The following OR2F1 variants were observed in gnomAD, a reference collection of about 807,000 sequenced individuals.
OR2F1 encodes olfactory receptor 2F1.
For synonymous variants in OR2F1, 146 were observed against 155.3 expected (o/e 0.94, Z 0.44); for missense variants, 389 against 378.2 (o/e 1.03, Z -0.24).
rs770220093 is a variant in OR2F1 at position 143,960,368 on chromosome 7, C to G, written c.398C>G (p.Ser133Trp). Reference protein sequence around the residue: ...YVAVCDALRYSAIMHGGLCAR... With the variant: ...YVAVCDALRYWAIMHGGLCAR... ...GCTGTGTGTGATGCCCTGCGATACT[C>G]GGCCATCATGCATGGAGGGCTGTGT... The change falls in exon 3 of 3, where the codon TCG becomes TGG. Residue 133 changes from serine to tryptophan, a missense_variant. Coordinates refer to ENST00000641412, the MANE Select transcript of OR2F1 (RefSeq NM_012369.3). 1 of 1,614,186 alleles carries G rather than the reference C, an allele frequency of 6.2e-7. No individual in the cohort carries two copies. Among genetic ancestry groups the G allele is most frequent in the South Asian group, 1.1e-5 (1 of 91,080 alleles).
rs751073483 is a variant in OR2F1, at chr7:143,960,317, C to T, written c.347C>T (p.Ala116Val). ...ALGGIEFVLLAVMAYDRYVAV... is the reference protein window; with the variant it reads ...ALGGIEFVLLVVMAYDRYVAV... ...GGTGGGATTGAGTTTGTTCTCCTGG[C>T]GGTGATGGCCTATGACCGCTATGTG... Residue 116 changes from alanine (A) to valine (V), a missense_variant, in exon 3 of 3, where the codon GCG (alanine) becomes GTG (valine). Physicochemically the swap from Ala to Val is moderately conservative, Grantham distance 64. Transcript: ENST00000641412. 1.1e-5 allele frequency: 18 copies of T among 1,614,018 alleles called. No homozygotes were observed. The highest frequency in any genetic ancestry group is 2.7e-5 in the African/African-American group (2 of 74,894).
Position 143,960,150 on chromosome 7 carries a change from T to C in OR2F1, c.180T>C (p.Tyr60=), listed in dbSNP as rs199573150. Residue 60 remains tyrosine, a synonymous_variant, in exon 3 of 3, where the codon TAT becomes TAC. Transcript: ENST00000641412. The part of the protein sequence containing the change: ...RLDSRLHTPM[Y]FFLTNLSLVD... ...ACAGCCGACTCCACACTCCCATGTA[T>C]TTCTTTCTCACCAACCTCTCCCTTG... 27 of 1,614,172 alleles carry C rather than the reference T, an allele frequency of 1.7e-5. No homozygotes were observed. The East Asian group carries it at 5.6e-4, about 33-fold the overall frequency.
At chr7:143,958,070 T>C (rs1268843687) in intron 1 of OR2F1, among the ~76,000 whole-genome samples, 1 of 152,144 alleles carries the variant, frequency 6.6e-6, no homozygotes, top group Non-Finnish European at 1.5e-5. Context: ...GAGCAAATGA[T>C]ACGGTGAAGA....
At position 143,960,507 on chromosome 7, in the gene OR2F1, T is replaced by G. The variant is rs2116937885; in HGVS notation, c.537T>G (p.Cys179Trp). Residue 179 changes from cysteine (C) to tryptophan (W), a missense_variant, in exon 3 of 3, where the codon TGT becomes TGG. Physicochemically the swap from Cys to Trp is radical, Grantham distance 215 (BLOSUM62 -2). Transcript: ENST00000641412. Reference sequence around the variant, plus strand: ...ACAAGTTTATTGATCACATATCCTGTGAACTCCTAGCTGTGGTCAGGCTGG... The same window carrying G: ...ACAAGTTTATTGATCACATATCCTGGGAACTCCTAGCTGTGGTCAGGCTGG... ...CRNKFIDHIS[C>W]ELLAVVRLAC... The G allele has an allele frequency of 6.2e-7, 1 of 1,614,228 alleles. No homozygotes were observed. The highest frequency in any genetic ancestry group is 2.2e-5 in the East Asian group (1 of 44,876).
At position 143,960,964 on chromosome 7, in the gene OR2F1, G is replaced by A. The variant is rs1442182287; in HGVS notation, c.*40G>A. On this transcript the variant is annotated 3_prime_UTR_variant, in exon 3 of 3. Transcript: ENST00000641412. ...TTAGAGAAAACAGCTTTGCCTCAGT[G>A]TTCTCCACCCAGCTGAGATCTGACA... 37 of 1,479,082 alleles carry A rather than the reference G, an allele frequency of 2.5e-5. No homozygotes were observed. The highest frequency in any genetic ancestry group is 3.4e-5 in the Non-Finnish European group (37 of 1,080,366). The allele number at this position is 1,479,082 out of a possible 1,614,324, so 91.6% of individuals were successfully genotyped here. A position where few individuals can be genotyped will look rare whatever the true frequency, so the allele number is the denominator to read the frequency against.
chr7:143,956,109 G>A (rs1365873683), intron 1 of OR2F1, among the ~76,000 whole-genome samples: 3 of 152,242 alleles, frequency 2.0e-5, no homozygotes, highest in Non-Finnish European at 2.9e-5. Context: ...GAATGTCACC[G>A]GTGTAGGGAA....
At chr7:143,958,845 C>A (rs538076435) in intron 1 of OR2F1, 108 bp from the exon 2 acceptor site, 2 of 152,130 alleles carry the variant, frequency 1.3e-5, no homozygotes, top group East Asian at 3.9e-4. Flanking sequence ...TTCATATCTC[C>A]TTCTCTGTCT....
chr7:143,959,256 G>T (rs1483564483), intron 2 of OR2F1, 148 bp downstream of exon 2: 1 of 152,104 alleles, frequency 6.6e-6, no homozygotes, highest in African/African-American at 2.4e-5. Flanking sequence ...ACCAGTAACA[G>T]TTCAAAAAGT....
intron 1 of OR2F1, among the ~76,000 whole-genome samples, chr7:143,958,318 CA>C (rs2050299240): frequency 6.6e-6 from 1 of 151,980 alleles, no homozygotes; most frequent in Admixed American, 6.5e-5. Context: ...TTGAGGAAAT[CA>C]AACGTATTCT....
chr7:143,958,451 G>GA lies in OR2F1; in HGVS notation c.-179-496dup, dbSNP rs541791988. On this transcript the variant is annotated intron_variant, in intron 1 of 2. Transcript: ENST00000641412. ...TGAGGAGGACATTAGGGAGAGTTTA[G>GA]AAAAAATGGTTGTGAACTATGAAAG... Among the ~76,000 whole-genome samples, 605 of 152,022 alleles carry GA rather than the reference G, an allele frequency of 4.0e-3. 2 individuals are homozygous for GA. Among genetic ancestry groups the GA allele is most frequent in the Admixed American group, 8.6e-3 (131 of 15,286 alleles).
At chr7:143,955,427 A>C (rs10271750) in intron 1 of OR2F1, among the ~76,000 whole-genome samples, 15,005 of 152,216 alleles carry the variant, frequency 0.099, 1,659 homozygotes, top group African/African-American at 0.27. Flanking sequence ...TAAAAGTTTC[A>C]TTTAGCATTA....
rs2072165 is a variant in OR2F1, at chr7:143,960,380, A to G, written c.410A>G (p.His137Arg). The part of the protein sequence containing the change: ...CDALRYSAIM[H>R]GGLCARLAIT... ...GCCCTGCGATACTCGGCCATCATGCATGGAGGGCTGTGTGCTAGGTTGGCC... is the reference window on the plus strand; with the variant it reads ...GCCCTGCGATACTCGGCCATCATGCGTGGAGGGCTGTGTGCTAGGTTGGCC... Residue 137 changes from histidine (H) to arginine (R), a missense_variant, in exon 3 of 3, where the codon CAT becomes CGT. By Grantham distance (29) the His-to-Arg change is conservative. Transcript: ENST00000641412. 0.12 allele frequency: 192,913 copies of G among 1,613,978 alleles called. 16,316 individuals are homozygous for G. The highest frequency in any genetic ancestry group is 0.4 in the African/African-American group (29,815 of 74,924).
rs1327483870 is a variant in OR2F1 at position 143,960,060 on chromosome 7, G to A, written c.90G>A (p.Leu30=). The A allele has an allele frequency of 6.2e-7, 1 of 1,614,014 alleles. No homozygotes were observed. The highest frequency in any genetic ancestry group is 8.5e-7 in the Non-Finnish European group (1 of 1,180,044). Residue 30 remains leucine, a synonymous_variant, in exon 3 of 3, where the codon CTG becomes CTA. Coordinates refer to ENST00000641412, the MANE Select transcript of OR2F1 (RefSeq NM_012369.3). ...ACACTCGGGTCTCCCTGTTTGTCCT[G>A]TTCTTGGTCATGTATGTGGTGACCG... is the stretch of plus-strand genomic sequence containing the variant. ...DWDTRVSLFV[L]FLVMYVVTVL... is the part of the protein sequence containing the mutation.
Position 143,955,029 on chromosome 7 carries a change from A to G in OR2F1, c.-254A>G, listed in dbSNP as rs2116932649. The G allele has an allele frequency of 6.6e-6, 1 of 152,234 alleles. No homozygotes were observed. The highest frequency in any genetic ancestry group is 2.1e-4 in the South Asian group (1 of 4,822). The allele number at this position is 152,234 out of a possible 1,614,324, so 9.4% of individuals were successfully genotyped here. ...TTGATAGAAGAATATTTCAGTCCTG[A>G]TATTTGCTGTAACTAATAATTACTG... is the stretch of plus-strand genomic sequence containing the variant. On this transcript the variant is annotated 5_prime_UTR_variant, in exon 1 of 3. Coordinates refer to ENST00000641412, the MANE Select transcript of OR2F1 (RefSeq NM_012369.3).
rs7784329 is a variant in OR2F1 at position 143,955,082 on chromosome 7, A to C, written c.-201A>C. The C allele has an allele frequency of 0.21, 31,199 of 152,016 alleles. 4,838 individuals carry two copies. Among genetic ancestry groups the C allele is most frequent in the African/African-American group, 0.42 (17,481 of 41,420 alleles). 9.4% of individuals were successfully genotyped at this position (152,016 alleles called of 1,614,324 possible). A position where few individuals can be genotyped will look rare whatever the true frequency, so the allele number is the denominator to read the frequency against. ...TAAACAGAGAAGACACATGGAGGATATTTTACCTGGGTCCAACAAAAGTAA... is the reference window on the plus strand; with the variant it reads ...TAAACAGAGAAGACACATGGAGGATCTTTTACCTGGGTCCAACAAAAGTAA... On this transcript the variant is annotated 5_prime_UTR_variant, in exon 1 of 3. Coordinates refer to ENST00000641412, the MANE Select transcript of OR2F1 (RefSeq NM_012369.3).
At position 143,960,251 on chromosome 7, in the gene OR2F1, T is replaced by C. The variant is rs749278306; in HGVS notation, c.281T>C (p.Phe94Ser). 4 of 1,614,074 alleles carry C rather than the reference T, an allele frequency of 2.5e-6. No individual in the cohort carries two copies. In the African/African-American group the frequency reaches 5.3e-5, roughly 22 times the overall value. The change falls in exon 3 of 3, where the codon TTC becomes TCC. Residue 94 changes from phenylalanine to serine, a missense_variant. Transcript: ENST00000641412. ...CTTGCAGAACATAAAGCCATCCCAT[T>C]CCAGAGCTGTGCAGCCCAGTTATTT... is the stretch of plus-strand genomic sequence containing the variant. ...HFLAEHKAIP[F>S]QSCAAQLFFS...
rs1177060033 is a variant in OR2F1, at chr7:143,960,864, G to A, written c.894G>A (p.Lys298=). 1 of 1,613,854 alleles carries A rather than the reference G, an allele frequency of 6.2e-7. No individual in the cohort carries two copies. The highest frequency in any genetic ancestry group is 1.3e-5 in the African/African-American group (1 of 74,892). The part of the protein sequence containing the change: ...MIYSLRNKEV[K]GAWQKLLWKF... Reference sequence around the variant, plus strand: ...ACAGCCTAAGGAATAAAGAGGTGAAGGGGGCCTGGCAGAAACTATTATGGA... The same window carrying A: ...ACAGCCTAAGGAATAAAGAGGTGAAAGGGGCCTGGCAGAAACTATTATGGA... Residue 298 remains lysine (K), a synonymous_variant, in exon 3 of 3, where the codon AAG becomes AAA. Transcript: ENST00000641412.
chr7:143,958,337 A>AT (rs76500152), intron 1 of OR2F1, among the ~76,000 whole-genome samples: 4,873 of 152,278 alleles, frequency 0.032, 106 homozygotes, highest in South Asian at 0.047. Context: ...TCTCAGCCTC[A>AT]TTATGATTTT....
intron 1 of OR2F1, among the ~76,000 whole-genome samples, chr7:143,956,661 C>G (rs993080164): frequency 1.3e-5 from 2 of 152,076 alleles, no homozygotes; most frequent in Admixed American, 1.3e-4. Context: ...TCTTTACACA[C>G]TTAGACATTA....
Sources: allele counts gnomAD v4.1 joint callset (sites outside exome capture counted in the v4.1 genomes callset), GRCh38; gene constraint gnomAD v4.1.1; transcripts MANE v1.5; gene names NCBI Gene and HGNC (gene_info 2026-07-23, HGNC 2026-07-21).